The following GALNT18 variants were observed in gnomAD, a reference collection of about 807,000 sequenced individuals.
The protein encoded by GALNT18 is polypeptide N-acetylgalactosaminyltransferase 18.
In GALNT18, 44 loss-of-function variants were observed where a neutral mutation model predicts 69.5. The ratio of observed to expected loss-of-function variants is 0.63; its 90% confidence interval spans 0.50 to 0.81. The LOEUF (loss-of-function observed/expected upper bound fraction) is 0.81, where lower values mean the gene tolerates loss of function less well. GALNT18 is among the 40% of genes least tolerant of loss of function. The pLI, the probability that GALNT18 is intolerant of heterozygous loss-of-function variation, is 0.00. For missense variants in GALNT18, 715 were observed against 810.0 expected (o/e 0.88, Z 1.42); for synonymous variants, 364 against 318.2 (o/e 1.14, Z -1.53).
chr11:11,343,709 C>T (rs1431009738), intron 6 of GALNT18, among the ~76,000 whole-genome samples: 1 of 152,146 alleles, frequency 6.6e-6, no homozygotes, highest in African/African-American at 2.4e-5. Flanking sequence ...TTCTTTTTGC[C>T]ACTGGAACAG....
At position 11,534,995 on chromosome 11, in the gene GALNT18, C is replaced by G. The variant is rs532367721; in HGVS notation, c.236-86059G>C. ...GCAGACCTTGTTCGGGTCCTGGCTC[C>G]ACTACTGTCTTGCTGAGTGACCACA... On this transcript the variant is annotated intron_variant, in intron 1 of 10. Transcript: ENST00000227756. Among the ~76,000 whole-genome samples, 7 of 152,350 alleles carry G rather than the reference C, an allele frequency of 4.6e-5. No homozygotes were observed. In the South Asian group the frequency reaches 1.5e-3, roughly 32 times the overall value.
At chr11:11,274,371 A>T (rs1469958432) in intron 10 of GALNT18, among the ~76,000 whole-genome samples, 1 of 152,172 alleles carries the variant, frequency 6.6e-6, no homozygotes, top group Non-Finnish European at 1.5e-5. Context: ...AAGGGGGCTG[A>T]AGCCAGGGAG....
intron 1 of GALNT18, among the ~76,000 whole-genome samples, chr11:11,552,834 T>C (rs576167400): frequency 1.1e-3 from 160 of 152,214 alleles, no homozygotes; most frequent in Admixed American, 3.9e-3. Context: ...GCCTGGTTTA[T>C]TAAATAACCA....
chr11:11,385,031 C>T (rs754264377), intron 3 of GALNT18, among the ~76,000 whole-genome samples: 29 of 152,198 alleles, frequency 1.9e-4, no homozygotes, highest in Admixed American at 1.0e-3. Context: ...TGTCAGCAGT[C>T]GCTTCAGGTG....
Position 11,613,640 on chromosome 11 carries a change from C to G in GALNT18, c.235+7719G>C, listed in dbSNP as rs1364920355. On this transcript the variant is annotated intron_variant, in intron 1 of 10. Coordinates refer to ENST00000227756, the MANE Select transcript of GALNT18 (RefSeq NM_198516.3). The surrounding 1 kb of genome is among the most constrained non-coding windows in gnomAD (Gnocchi z 4.2). ...TTACAGATGGAGCTGACTCTAACCC[C>G]AAAGGCAAGTGAGATTCAATAACAA... 2.6e-5 allele frequency among the ~76,000 whole-genome samples: 4 copies of G among 152,182 alleles called. No homozygotes were observed. Among genetic ancestry groups the G allele is most frequent in the East Asian group, 1.9e-4 (1 of 5,196 alleles).
At position 11,402,413 on chromosome 11, in the gene GALNT18, A is replaced by T. The variant is rs1854488766; in HGVS notation, c.596-23149T>A. On this transcript the variant is annotated intron_variant, in intron 3 of 10. Coordinates refer to ENST00000227756, the MANE Select transcript of GALNT18 (RefSeq NM_198516.3). This position sits in a 1 kb window ranked among gnomAD's most constrained non-coding sequence, Gnocchi z 4.0. ...TTCAATCATAAACTGCTTTTATCTT[A>T]TTGAACCAGGCTTTGATGGTGGGTG... 6.6e-6 allele frequency among the ~76,000 whole-genome samples: 1 copy of T among 152,224 alleles called. No individual in the cohort carries two copies. Among genetic ancestry groups the T allele is most frequent in the Admixed American group, 6.5e-5 (1 of 15,286 alleles).
chr11:11,615,013 C>A (rs938392202), intron 1 of GALNT18, among the ~76,000 whole-genome samples: 13 of 152,218 alleles, frequency 8.5e-5, no homozygotes, highest in Non-Finnish European at 1.9e-4. Flanking sequence ...GGCTCAACTC[C>A]TAAGTCCTGC....
intron 6 of GALNT18, among the ~76,000 whole-genome samples, chr11:11,344,876 AAC>A (rs1850275817): frequency 7.8e-6 from 1 of 128,272 alleles, no homozygotes; most frequent in Non-Finnish European, 1.7e-5. Flanking sequence ...CCTCTTGGCT[AAC>A]AAACACCCAT....
At position 11,444,766 on chromosome 11, in the gene GALNT18, T is replaced by G. The variant is rs1351470925; in HGVS notation, c.428+3978A>C. Reference sequence around the variant, plus strand: ...ATGAAGCCAAGAATAACATCAGGGTTAGAATTTGGAAGAAAAGAGCCAAGA... The same window carrying G: ...ATGAAGCCAAGAATAACATCAGGGTGAGAATTTGGAAGAAAAGAGCCAAGA... On this transcript the variant is annotated intron_variant, in intron 2 of 10. Transcript: ENST00000227756. The surrounding 1 kb of genome is among the most constrained non-coding windows in gnomAD (Gnocchi z 4.4). 3.3e-5 allele frequency among the ~76,000 whole-genome samples: 5 copies of G among 152,108 alleles called. No individual in the cohort carries two copies. Among genetic ancestry groups the G allele is most frequent in the African/African-American group, 1.2e-4 (5 of 41,406 alleles).
chr11:11,281,148 G>A (rs970153906), intron 10 of GALNT18, among the ~76,000 whole-genome samples: 1 of 152,198 alleles, frequency 6.6e-6, no homozygotes, highest in Non-Finnish European at 1.5e-5. Flanking sequence ...ACCAAAACCA[G>A]CCCCGCTCTC....
Position 11,396,341 on chromosome 11 carries a change from G to C in GALNT18, c.596-17077C>G, listed in dbSNP as rs1854327230. ...GCAACATTTCGAGAGGTGAGGAAGA[G>C]AGAGTTTGCTTAGAGATTAAATGAT... On this transcript the variant is annotated intron_variant, in intron 3 of 10. Transcript: ENST00000227756. The surrounding 1 kb of genome is among the most constrained non-coding windows in gnomAD (Gnocchi z 5.2). 6.6e-6 allele frequency among the ~76,000 whole-genome samples: 1 copy of C among 152,204 alleles called. No homozygotes were observed. Among genetic ancestry groups the C allele is most frequent in the Non-Finnish European group, 1.5e-5 (1 of 68,040 alleles).
At chr11:11,532,920 A>C in intron 1 of GALNT18, among the ~76,000 whole-genome samples, 1 of 152,236 alleles carries the variant, frequency 6.6e-6, no homozygotes, top group East Asian at 1.9e-4. Flanking sequence ...CCAGGTAATT[A>C]ACTAGATGGC....
intron 1 of GALNT18, among the ~76,000 whole-genome samples, chr11:11,468,032 G>C (rs1856187768): frequency 6.6e-6 from 1 of 152,156 alleles, no homozygotes; most frequent in African/African-American, 2.4e-5. Flanking sequence ...CAGAACTTCA[G>C]GTCAACTAGA....
At chr11:11,288,258 ACT>A (rs1228391241) in intron 10 of GALNT18, among the ~76,000 whole-genome samples, 1 of 152,024 alleles carries the variant, frequency 6.6e-6, no homozygotes, top group Non-Finnish European at 1.5e-5. Flanking sequence ...CCCATCAAAA[ACT>A]CTAAATTCTG....
chr11:11,434,286 C>T (rs919975421), intron 2 of GALNT18, among the ~76,000 whole-genome samples: 1 of 152,110 alleles, frequency 6.6e-6, no homozygotes, highest in African/African-American at 2.4e-5. Flanking sequence ...CTACTTCGTA[C>T]TTGTGATTTT....
intron 3 of GALNT18, among the ~76,000 whole-genome samples, chr11:11,384,426 G>T (rs1225910378): frequency 2.0e-5 from 3 of 152,118 alleles, no homozygotes; most frequent in African/African-American, 7.2e-5. Flanking sequence ...TCAAGTGGCA[G>T]CAGGGAGAAG....
In GALNT18 at chr11:11,575,010, T is replaced by C. The variant is rs752542246; in HGVS notation, c.235+46349A>G. ...AGTATTTGGGTTCATCTATCTAGCA[T>C]GTGCCTGGCTGAGTACTGCTACTAT... On this transcript the variant is annotated intron_variant, in intron 1 of 10. Coordinates refer to ENST00000227756, the MANE Select transcript of GALNT18 (RefSeq NM_198516.3). Among the ~76,000 whole-genome samples, 3 of 152,358 alleles carry C rather than the reference T, an allele frequency of 2.0e-5. No individual in the cohort carries two copies. The South Asian group carries it at 6.2e-4, about 32-fold the overall frequency.
At chr11:11,418,980 C>T (rs1002678829) in intron 3 of GALNT18, among the ~76,000 whole-genome samples, 11 of 152,174 alleles carry the variant, frequency 7.2e-5, no homozygotes, top group African/African-American at 2.7e-4. Context: ...ACACAGTGAA[C>T]CAGGTCACTA....
intron 1 of GALNT18, among the ~76,000 whole-genome samples, chr11:11,449,998 T>A (rs1351389734): frequency 6.6e-6 from 1 of 152,232 alleles, no homozygotes; most frequent in African/African-American, 2.4e-5. Flanking sequence ...GGGCTGATAG[T>A]CCAGGACTTT....
Sources: gnomAD v4.1 joint callset for allele counts (sites outside exome capture counted in the v4.1 genomes callset) on GRCh38, gnomAD v4.1.1 for gene constraint, Gnocchi (gnomAD v3.1) non-coding constraint, MANE v1.5 for transcripts, NCBI Gene and HGNC (gene_info 2026-07-23, HGNC 2026-07-21) for gene names.